SLC18A1: variants seen among roughly 807,000 people sequenced by gnomAD.
SLC18A1 encodes chromaffin granule amine transporter.
In SLC18A1, 69 loss-of-function variants were observed where a neutral mutation model predicts 53.7. The ratio of observed to expected loss-of-function variants is 1.28; its 90% CI spans 1.06 to 1.57. The LOEUF (loss-of-function observed/expected upper bound fraction) is 1.57, where lower values mean the gene tolerates loss of function less well. Ranked by LOEUF, SLC18A1 falls within the 40% of genes most tolerant of loss-of-function variation. The pLI is 0.00. For missense variants in SLC18A1, 932 were observed against 668.1 expected (o/e 1.40, Z -4.35); for synonymous variants, 320 against 248.1 (o/e 1.29, Z -2.72).
chr8:20,154,714 A>G (rs1308689282), intron 10 of SLC18A1, among the ~76,000 whole-genome samples: 3 of 152,218 alleles, frequency 2.0e-5, no homozygotes, highest in Non-Finnish European at 4.4e-5. Context: ...GAAATTTGGT[A>G]AGATCAAGAA....
chr8:20,178,603 G>T (rs1002622306), intron 3 of SLC18A1, 110 bp from the exon 4 acceptor site: 3 of 767,562 alleles, frequency 3.9e-6, no homozygotes, highest in African/African-American at 1.8e-5. Flanking sequence ...TGGGTGTATG[G>T]TAAAACATGC....
At chr8:20,154,868 C>T (rs1376438029) in intron 10 of SLC18A1, among the ~76,000 whole-genome samples, 5 of 152,146 alleles carry the variant, frequency 3.3e-5, no homozygotes, top group Non-Finnish European at 7.4e-5. Context: ...CATCACAGAC[C>T]CACCATTGAC....
Position 20,171,465 on chromosome 8 carries a change from C to T in SLC18A1, c.754G>A (p.Glu252Lys), listed in dbSNP as rs144299315. ...VGAPFGSVMY[E>K]FVGKSAPFLI... ...AAGGGTGCAGACTTCCCAACAAACT[C>T]GTACATTACACTTCCAAAGGGAGCT... Residue 252 changes from glutamate (E) to lysine (K), a missense_variant, in exon 7 of 16, where the codon GAG becomes AAG. By Grantham distance (56) the Glu-to-Lys change is moderately conservative. Transcript: ENST00000276373. 15 of 1,614,002 alleles carry T rather than the reference C, an allele frequency of 9.3e-6. No homozygotes were observed. Among genetic ancestry groups the T allele is most frequent in the African/African-American group, 6.7e-5 (5 of 74,920 alleles).
chr8:20,149,184 G>A (rs1476329685), intron 12 of SLC18A1, among the ~76,000 whole-genome samples: 1 of 152,266 alleles, frequency 6.6e-6, no homozygotes, highest in Non-Finnish European at 1.5e-5. Flanking sequence ...TCTTGGAAAT[G>A]GAAAAGTCCT....
chr8:20,165,261 G>A (rs1165013085), intron 8 of SLC18A1, among the ~76,000 whole-genome samples, 154 bp from the exon 9 acceptor site: 1 of 152,202 alleles, frequency 6.6e-6, no homozygotes, highest in Admixed American at 6.5e-5. Flanking sequence ...GGGAGAGAAA[G>A]TGACTTGTCT....
Position 20,148,121 on chromosome 8 carries a change from G to T in SLC18A1, c.1147-51C>A, listed in dbSNP as rs775203475. Reference sequence around the variant, plus strand: ...TCAGGACTCCAGATGGGTCAGGTGGGAGCAAGGTTCAAAGAGTTTTCACAT... The same window carrying T: ...TCAGGACTCCAGATGGGTCAGGTGGTAGCAAGGTTCAAAGAGTTTTCACAT... On this transcript the variant is annotated intron_variant, in intron 12 of 15. Transcript: ENST00000276373. The T allele has an allele frequency of 3.9e-6, 6 of 1,539,016 alleles. No homozygotes were observed. The African/African-American group carries it at 6.8e-5, about 17-fold the overall frequency.
intron 10 of SLC18A1, among the ~76,000 whole-genome samples, chr8:20,152,665 C>T (rs1453132002): frequency 2.0e-5 from 3 of 152,074 alleles, no homozygotes; most frequent in African/African-American, 4.8e-5. Flanking sequence ...AGCTGTCAGG[C>T]AGTTAGATAC....
chr8:20,154,832 C>T (rs1054654034), intron 10 of SLC18A1, among the ~76,000 whole-genome samples: 26 of 152,288 alleles, frequency 1.7e-4, no homozygotes, highest in African/African-American at 2.9e-4. Context: ...AGCTTTCATT[C>T]GCCGTCCACC....
At chr8:20,178,121 A>AACACACACACACACAC (rs10560327) in intron 4 of SLC18A1, among the ~76,000 whole-genome samples, 317 of 148,830 alleles carry the variant, frequency 2.1e-3, no homozygotes, top group Admixed American at 2.4e-3. Context: ...TGATGCATAT[A>AACACACACACACACAC]ACACACACAC....
In SLC18A1 at chr8:20,180,983, G is replaced by C; in HGVS notation, c.-19C>G. On this transcript the variant is annotated 5_prime_UTR_variant, in exon 2 of 16. Coordinates refer to ENST00000276373, the MANE Select transcript of SLC18A1 (RefSeq NM_003053.4). Reference sequence around the variant, plus strand: ...GGAGCATGGTGATGGCCGGACTGGGGCAGTCTTCCCCTGCGGGCTCTTAGG... The same window carrying C: ...GGAGCATGGTGATGGCCGGACTGGGCCAGTCTTCCCCTGCGGGCTCTTAGG... 1 of 1,559,886 alleles carries C rather than the reference G, an allele frequency of 6.4e-7. No individual in the cohort carries two copies. The highest frequency in any genetic ancestry group is 8.7e-7 in the Non-Finnish European group (1 of 1,151,994).
chr8:20,165,030 G>A lies in SLC18A1; in HGVS notation c.919+17C>T. 1 of 1,614,040 alleles carries A rather than the reference G, an allele frequency of 6.2e-7. No homozygotes were observed. The highest frequency in any genetic ancestry group is 8.5e-7 in the Non-Finnish European group (1 of 1,179,908). On this transcript the variant is annotated intron_variant, in intron 9 of 15. Transcript: ENST00000276373. ...CCCAGACACTCCCCGCCCAATGGGA[G>A]GTCATCGCCAGCTTACCTGCAGCCA...
At chr8:20,170,332 T>G (rs985621124) in intron 8 of SLC18A1, among the ~76,000 whole-genome samples, 13 of 152,186 alleles carry the variant, frequency 8.5e-5, no homozygotes, top group African/African-American at 3.1e-4. Context: ...ATTGTACTTA[T>G]TTCATGGAAT....
intron 12 of SLC18A1, chr8:20,148,379 A>G (rs373661475): frequency 1.5e-5 from 16 of 1,070,944 alleles, no homozygotes; most frequent in African/African-American, 8.1e-5. Flanking sequence ...CCTCTGTTCC[A>G]TGGATACTTT....
At chr8:20,170,810 T>C (rs1434325200) in intron 8 of SLC18A1, among the ~76,000 whole-genome samples, 1 of 150,002 alleles carries the variant, frequency 6.7e-6, no homozygotes, top group Non-Finnish European at 1.5e-5. Context: ...AATATATATA[T>C]ACATACCCCA....
chr8:20,182,776 G>A (rs1259289711), intron 1 of SLC18A1, among the ~76,000 whole-genome samples: 1 of 152,114 alleles, frequency 6.6e-6, no homozygotes, highest in East Asian at 1.9e-4. Context: ...AATTACTTAA[G>A]ATCCTTCATT....
At chr8:20,179,089 T>A in intron 3 of SLC18A1, 32 bp downstream of exon 3, 3 of 1,587,624 alleles carry the variant, frequency 1.9e-6, no homozygotes, top group South Asian at 2.3e-5. Context: ...TACTCCTGTG[T>A]ACCCTGCGGG....
At chr8:20,160,901 G>T (rs1298947424) in intron 10 of SLC18A1, among the ~76,000 whole-genome samples, 1 of 151,954 alleles carries the variant, frequency 6.6e-6, no homozygotes, top group Non-Finnish European at 1.5e-5. Flanking sequence ...AGAAAAAGGG[G>T]CCAAACTCCC....
chr8:20,174,222 T>G (rs2072198678), intron 5 of SLC18A1, 139 bp downstream of exon 5: 1 of 715,100 alleles, frequency 1.4e-6, no homozygotes, highest in East Asian at 2.8e-5. Context: ...CCAATTCCCT[T>G]ATTTCTGAAT....
intron 10 of SLC18A1, among the ~76,000 whole-genome samples, chr8:20,161,380 A>T (rs776382451): frequency 1.3e-5 from 2 of 152,244 alleles, no homozygotes; most frequent in Non-Finnish European, 2.9e-5. Context: ...AGTACAAGAT[A>T]AAAATAATAC....
Sources: gnomAD v4.1 joint callset for allele counts (sites outside exome capture counted in the v4.1 genomes callset) on GRCh38, gnomAD v4.1.1 for gene constraint, MANE v1.5 for transcripts, NCBI Gene and HGNC (gene_info 2026-07-23, HGNC 2026-07-21) for gene names.